Variants in ADAM12 observed in about 807,000 individuals in gnomAD.
The protein encoded by ADAM12 is disintegrin and metalloproteinase domain-containing protein 12.
A neutral mutation model predicts 106.4 loss-of-function variants in ADAM12; 70 were observed. The observed-to-expected ratio is 0.66, with a 90% CI of 0.54 to 0.80. ADAM12 has a LOEUF of 0.80. Among genes scored for constraint, ADAM12 ranks in the 30% least tolerant of loss-of-function variants. The probability of loss-of-function intolerance (pLI) is 0.00; values close to 1 mark genes in which losing one functional copy is unlikely to be tolerated. For missense variants in ADAM12, 1,010 were observed against 1,171.9 expected (o/e 0.86, Z 2.02); for synonymous variants, 420 against 433.5 (o/e 0.97, Z 0.39).
At position 126,147,709 on chromosome 10, in the gene ADAM12, G is replaced by A. The variant is rs78730513; in HGVS notation, c.339+7518C>T. Among the ~76,000 whole-genome samples the A allele has an allele frequency of 3.9e-3, 601 of 152,280 alleles. 2 individuals carry two copies. Among genetic ancestry groups the A allele is most frequent in the South Asian group, 0.014 (69 of 4,824 alleles). ...ATCCCTCAGACCAGATTAGGGCCCC[G>A]TGGCCTTTCCTTTGGTGCACTTAGC... On this transcript the variant is annotated intron_variant, in intron 4 of 22. Transcript: ENST00000448723.
At chr10:126,329,129 T>G (rs1026426247) in intron 2 of ADAM12, among the ~76,000 whole-genome samples, 2 of 145,612 alleles carry the variant, frequency 1.4e-5, no homozygotes, top group Non-Finnish European at 3.0e-5. Context: ...AACAAATACT[T>G]AAAAAAAAAA....
At position 126,336,256 on chromosome 10, in the gene ADAM12, C is replaced by T. The variant is rs149067852; in HGVS notation, c.89-5747G>A. 2.1e-3 allele frequency among the ~76,000 whole-genome samples: 315 copies of T among 152,188 alleles called. 3 individuals are homozygous for T. The highest frequency in any genetic ancestry group is 0.01 in the Middle Eastern group (3 of 294). On this transcript the variant is annotated intron_variant, in intron 1 of 22. Coordinates refer to ENST00000448723, the MANE Select transcript of ADAM12 (RefSeq NM_001288973.2). ...TGCAATTTTTCTGTCACTCTAAAAT[C>T]GTTCTAAAAATGAAGTCTACTAAGA... is the stretch of plus-strand genomic sequence containing the variant.
chr10:126,213,419 C>T (rs1957935711), intron 3 of ADAM12, among the ~76,000 whole-genome samples: 1 of 152,134 alleles, frequency 6.6e-6, no homozygotes, highest in Admixed American at 6.5e-5. Context: ...ATCTGTTGAA[C>T]AATTTTTAAT....
Position 126,053,054 on chromosome 10 carries a change from A to G in ADAM12, c.1610-3385T>C, listed in dbSNP as rs1451348037. ...GGTTTAGCACCATCACCTTGGTGCT[A>G]TTCTTGGGATAGTGAGTTGAGATCT... On this transcript the variant is annotated intron_variant, in intron 14 of 22. Coordinates refer to ENST00000448723, the MANE Select transcript of ADAM12 (RefSeq NM_001288973.2). This position sits in a 1 kb window ranked among gnomAD's most constrained non-coding sequence, Gnocchi z 4.6. 2.0e-5 allele frequency among the ~76,000 whole-genome samples: 3 copies of G among 152,154 alleles called. No homozygotes were observed. The highest frequency in any genetic ancestry group is 2.9e-5 in the Non-Finnish European group (2 of 68,034).
rs1391133931 is a variant in ADAM12, at chr10:126,139,987, T to G, written c.340-4327A>C. Among the ~76,000 whole-genome samples, 3 of 152,196 alleles carry G rather than the reference T, an allele frequency of 2.0e-5. No homozygotes were observed. The East Asian group carries it at 5.8e-4, about 29-fold the overall frequency. On this transcript the variant is annotated intron_variant, in intron 4 of 22. Transcript: ENST00000448723. ...AATTGGATCATAATGCTCTGGGGCA[T>G]CAGGGGGATCCTAGTACCTTCCCAG...
At chr10:126,215,047 G>A (rs1016246603) in intron 3 of ADAM12, among the ~76,000 whole-genome samples, 14 of 152,280 alleles carry the variant, frequency 9.2e-5, no homozygotes, top group African/African-American at 2.9e-4. Context: ...CCCTGGGGCT[G>A]GCTTTGGAGG....
At chr10:126,360,276 T>C (rs1333608455) in intron 1 of ADAM12, among the ~76,000 whole-genome samples, 1 of 152,232 alleles carries the variant, frequency 6.6e-6, no homozygotes, top group African/African-American at 2.4e-5. Flanking sequence ...GGCTCCTCAT[T>C]ACTTATGCAA....
At chr10:126,343,873 G>T (rs1004320133) in intron 1 of ADAM12, among the ~76,000 whole-genome samples, 1 of 152,014 alleles carries the variant, frequency 6.6e-6, no homozygotes, top group Admixed American at 6.6e-5. Flanking sequence ...TTTTGATGGG[G>T]TTGTTTTTTT....
At chr10:126,166,512 T>G (rs1957027427) in intron 3 of ADAM12, among the ~76,000 whole-genome samples, 1 of 152,182 alleles carries the variant, frequency 6.6e-6, no homozygotes, top group Non-Finnish European at 1.5e-5. Context: ...TTTTTTGTTT[T>G]TTTTGAGACG....
rs531548046 is a variant in ADAM12 at position 126,101,463 on chromosome 10, G to A, written c.742-222C>T. Among the ~76,000 whole-genome samples the A allele has an allele frequency of 1.2e-4, 19 of 152,320 alleles. No individual in the cohort carries two copies. The South Asian group carries it at 1.9e-3, about 15-fold the overall frequency. ...GTTCTCGAAGATTGACCAATTAGAT[G>A]CTGAAGTTATCAGCTTTTTTACTGT... On this transcript the variant is annotated intron_variant, in intron 8 of 22. Transcript: ENST00000448723.
intron 3 of ADAM12, among the ~76,000 whole-genome samples, chr10:126,162,599 C>T (rs7897618): frequency 0.077 from 11,665 of 152,076 alleles, 1,499 homozygotes; most frequent in African/African-American, 0.27. Flanking sequence ...GTTCTGACAG[C>T]CACACAGATG....
At chr10:126,143,050 ATGG>A in intron 4 of ADAM12, among the ~76,000 whole-genome samples, 1 of 69,870 alleles carries the variant, frequency 1.4e-5, no homozygotes, top group Admixed American at 1.6e-4. Context: ...ATGTGTGTAT[ATGG>A]TGTGCACATG....
intron 3 of ADAM12, among the ~76,000 whole-genome samples, chr10:126,268,497 T>C (rs1959145735): frequency 6.6e-6 from 1 of 152,218 alleles, no homozygotes; most frequent in South Asian, 2.1e-4. Flanking sequence ...TGATGCTACC[T>C]ATGATGAGGA....
chr10:126,251,527 GGA>G, intron 3 of ADAM12, among the ~76,000 whole-genome samples: 2 of 31,280 alleles, frequency 6.4e-5, no homozygotes, highest in Non-Finnish European at 3.7e-4. Context: ...GGGATGGACA[GGA>G]TGGATAGATG....
chr10:126,309,753 G>T (rs941857173), intron 2 of ADAM12, among the ~76,000 whole-genome samples: 2 of 152,168 alleles, frequency 1.3e-5, no homozygotes, highest in Admixed American at 6.5e-5. Context: ...CAGTTAGAGA[G>T]AATAGTTAAA....
chr10:126,173,840 A>T (rs1265962595), intron 3 of ADAM12, among the ~76,000 whole-genome samples: 1 of 151,986 alleles, frequency 6.6e-6, no homozygotes. Flanking sequence ...ACCTCAGGCC[A>T]AGGGAGTCAG....
At chr10:126,219,145 T>G (rs1377516454) in intron 3 of ADAM12, among the ~76,000 whole-genome samples, 1 of 152,238 alleles carries the variant, frequency 6.6e-6, no homozygotes, top group Non-Finnish European at 1.5e-5. Flanking sequence ...CTCAGGCTAT[T>G]TGGGGTTTGC....
intron 3 of ADAM12, among the ~76,000 whole-genome samples, chr10:126,214,546 G>C (rs1267367567): frequency 6.6e-6 from 1 of 152,232 alleles, no homozygotes; most frequent in Non-Finnish European, 1.5e-5. Context: ...ACTGGAAGCA[G>C]TGGCTGCCTC....
intron 6 of ADAM12, among the ~76,000 whole-genome samples, chr10:126,115,826 G>C (rs1590434058): frequency 6.6e-6 from 1 of 152,074 alleles, no homozygotes; most frequent in Non-Finnish European, 1.5e-5. Context: ...ATTTACCGTA[G>C]GTGCTAACCA....
Sources: allele counts gnomAD v4.1 joint callset (sites outside exome capture counted in the v4.1 genomes callset), GRCh38; gene constraint gnomAD v4.1.1; non-coding constraint Gnocchi (gnomAD v3.1); transcripts MANE v1.5; gene names NCBI Gene and HGNC (gene_info 2026-07-23, HGNC 2026-07-21).